The following HOMER1 variants were observed in gnomAD, a reference collection of about 807,000 sequenced individuals.
HOMER1 encodes the protein homer scaffold protein 1, also known as homer protein homolog 1.
Under a neutral mutation model 48.9 loss-of-function variants are expected in HOMER1, and 3 were observed. The ratio of observed to expected loss-of-function variants is 0.06; its 90% CI spans 0.03 to 0.16. The LOEUF (loss-of-function observed/expected upper bound fraction) is 0.16, where lower values mean the gene tolerates loss of function less well. Ranked by LOEUF, HOMER1 falls within the 10% of genes least tolerant of loss-of-function variation. The pLI is 1.00. For missense variants in HOMER1, 247 were observed against 411.4 expected, an observed-to-expected ratio of 0.60 and a Z score of 3.46; for synonymous variants, 134 against 146.4, an observed-to-expected ratio of 0.92 and a Z score of 0.61.
At chr5:79,376,831 C>T (rs989159971) in intron 8 of HOMER1, among the ~76,000 whole-genome samples, 2 of 151,672 alleles carry the variant, frequency 1.3e-5, no homozygotes, top group African/African-American at 4.9e-5. Context: ...ACATTGCAAA[C>T]CAAGGGAAAA....
intron 8 of HOMER1, among the ~76,000 whole-genome samples, chr5:79,390,236 T>G (rs1375447860): frequency 6.6e-6 from 1 of 152,036 alleles, no homozygotes; most frequent in Non-Finnish European, 1.5e-5. Context: ...TAGGAATCTG[T>G]GATTGTGCCA....
At chr5:79,403,292 T>C (rs111266635) in intron 5 of HOMER1, among the ~76,000 whole-genome samples, 8 of 152,170 alleles carry the variant, frequency 5.3e-5, no homozygotes, top group African/African-American at 1.9e-4. Context: ...GATAAATCAT[T>C]TGTATTCTAG....
At chr5:79,449,472 TTTG>T (rs1231432088) in intron 3 of HOMER1, among the ~76,000 whole-genome samples, 6 of 152,180 alleles carry the variant, frequency 3.9e-5, no homozygotes, top group South Asian at 2.1e-4. Flanking sequence ...ATGATATTTG[TTTG>T]TTGTTGTTGT....
At chr5:79,505,280 C>A (rs1296507699) in intron 1 of HOMER1, among the ~76,000 whole-genome samples, 2 of 152,044 alleles carry the variant, frequency 1.3e-5, no homozygotes, top group East Asian at 3.9e-4. Context: ...CCCAACTAGA[C>A]AATGAGAAAT....
intron 4 of HOMER1, among the ~76,000 whole-genome samples, chr5:79,445,955 C>T (rs187143771): frequency 2.3e-3 from 347 of 152,248 alleles, no homozygotes; most frequent in African/African-American, 8.0e-3. Context: ...AAAACAAACC[C>T]TATTGTTTGT....
At chr5:79,492,965 C>A (rs1383220673) in intron 1 of HOMER1, among the ~76,000 whole-genome samples, 1 of 126,066 alleles carries the variant, frequency 7.9e-6, no homozygotes, top group Non-Finnish European at 1.6e-5. Flanking sequence ...GTTGCCCAGG[C>A]TGGAGTGCAG....
rs1463201454 is a variant in HOMER1 at position 79,374,449 on chromosome 5, A to G, written c.*1560T>C. On this transcript the variant is annotated 3_prime_UTR_variant, in exon 9 of 9. Coordinates refer to ENST00000334082, the MANE Select transcript of HOMER1 (RefSeq NM_004272.5). ...CGTACATACACATACATAAAAAACAAAATTGTCTAGTATTGAGTAGCTGTT... is the reference window on the plus strand; with the variant it reads ...CGTACATACACATACATAAAAAACAGAATTGTCTAGTATTGAGTAGCTGTT... 3 of 152,386 alleles carry G rather than the reference A, an allele frequency of 2.0e-5. No homozygotes were observed. The allele number at this position is 152,386 out of a possible 1,614,324, so 9.4% of individuals were successfully genotyped here. A position where few individuals can be genotyped will look rare whatever the true frequency, so the allele number is the denominator to read the frequency against.
At chr5:79,383,010 T>C (rs1424654386) in intron 8 of HOMER1, among the ~76,000 whole-genome samples, 1 of 152,202 alleles carries the variant, frequency 6.6e-6, no homozygotes, top group Non-Finnish European at 1.5e-5. Context: ...TAAAAAGGCT[T>C]ACAGATCAAA....
chr5:79,484,045 CAAAAAAAAA>C (rs34704866), intron 1 of HOMER1, among the ~76,000 whole-genome samples: 1 of 72,264 alleles, frequency 1.4e-5, no homozygotes, highest in Non-Finnish European at 3.0e-5. Context: ...GACTCCATCT[CAAAAAAAAA>C]AAAAAAAAAA....
chr5:79,409,080 TTG>T (rs2112230628), intron 5 of HOMER1, among the ~76,000 whole-genome samples: 1 of 47,660 alleles, frequency 2.1e-5, no homozygotes, highest in South Asian at 7.7e-4. Context: ...AGATTTTGTC[TTG>T]AGAAAAAAAA....
chr5:79,435,685 G>C (rs1047993135), intron 5 of HOMER1, among the ~76,000 whole-genome samples: 4 of 149,298 alleles, frequency 2.7e-5, no homozygotes, highest in Non-Finnish European at 5.9e-5. Context: ...CAAAAAATTA[G>C]CAGGGTGTGG....
intron 8 of HOMER1, among the ~76,000 whole-genome samples, chr5:79,380,476 G>A (rs1369188651): frequency 2.0e-5 from 3 of 152,222 alleles, no homozygotes; most frequent in Non-Finnish European, 4.4e-5. Context: ...TGCCATCGAG[G>A]CACAGGCTAC....
chr5:79,467,086 G>C (rs566847441), intron 1 of HOMER1, among the ~76,000 whole-genome samples: 1 of 152,022 alleles, frequency 6.6e-6, no homozygotes. Flanking sequence ...CACTGTGCCC[G>C]GCCTTAAAAA....
At chr5:79,411,615 G>A (rs1210348739) in intron 5 of HOMER1, among the ~76,000 whole-genome samples, 1 of 152,204 alleles carries the variant, frequency 6.6e-6, no homozygotes, top group African/African-American at 2.4e-5. Context: ...CTTAATGTAT[G>A]AGCAATATAC....
chr5:79,488,034 T>G (rs992335675), intron 1 of HOMER1, among the ~76,000 whole-genome samples: 3 of 152,242 alleles, frequency 2.0e-5, no homozygotes, highest in African/African-American at 7.2e-5. Flanking sequence ...TAAAACTTTC[T>G]GTACACTTAA....
chr5:79,495,548 C>T (rs1046530284), intron 1 of HOMER1, among the ~76,000 whole-genome samples: 7 of 152,206 alleles, frequency 4.6e-5, no homozygotes, highest in Non-Finnish European at 1.0e-4. Context: ...TATCTTTGTA[C>T]TACCAGTGCC....
chr5:79,435,540 G>A (rs375650161), intron 5 of HOMER1, among the ~76,000 whole-genome samples: 1 of 152,214 alleles, frequency 6.6e-6, no homozygotes, highest in African/African-American at 2.4e-5. Flanking sequence ...GGAGAAGGAA[G>A]GCAATATAGT....
At position 79,413,212 on chromosome 5, in the gene HOMER1, C is replaced by A. The variant is rs559718474; in HGVS notation, c.528-11157G>T. Among the ~76,000 whole-genome samples the A allele has an allele frequency of 5.3e-5, 8 of 152,228 alleles. No individual in the cohort carries two copies. In the East Asian group the frequency reaches 1.5e-3, roughly 29 times the overall value. On this transcript the variant is annotated intron_variant, in intron 5 of 8. Coordinates refer to ENST00000334082, the MANE Select transcript of HOMER1 (RefSeq NM_004272.5). ...TTTGAGAAAAATAAGAGAAAGAGTA[C>A]AGTTCAGGAAGACTACTTAAGGAAA... is the stretch of plus-strand genomic sequence containing the variant.
chr5:79,444,844 T>A (rs1176078384), intron 4 of HOMER1, among the ~76,000 whole-genome samples: 1 of 152,208 alleles, frequency 6.6e-6, no homozygotes, highest in Non-Finnish European at 1.5e-5. Flanking sequence ...GTTTTATGTT[T>A]AAAAGTATCA....
Sources: gnomAD v4.1 joint callset for allele counts (sites outside exome capture counted in the v4.1 genomes callset) on GRCh38, gnomAD v4.1.1 for gene constraint, MANE v1.5 for transcripts, NCBI Gene and HGNC (gene_info 2026-07-23, HGNC 2026-07-21) for gene names.